CSMD3: variants seen among roughly 807,000 people sequenced by gnomAD.
CSMD3 encodes the protein CUB and sushi domain-containing protein 3.
In CSMD3, 177 loss-of-function variants were observed where a neutral mutation model predicts 435.2. That is an observed-to-expected ratio of 0.41 (90% CI 0.36 to 0.46). CSMD3 has a LOEUF of 0.46. CSMD3 is among the 20% of genes least tolerant of loss of function. The probability of loss-of-function intolerance (pLI) is 0.34; values close to 1 mark genes in which losing one functional copy is unlikely to be tolerated. For synonymous variants in CSMD3, 1,656 were observed against 1,520.5 expected (o/e 1.09, Z -2.07); for missense variants, 4,265 against 4,504.6 (o/e 0.95, Z 1.52).
intron 13 of CSMD3, among the ~76,000 whole-genome samples, chr8:112,708,649 T>C (rs1365414936): frequency 4.2e-5 from 6 of 141,560 alleles, no homozygotes; most frequent in African/African-American, 1.5e-4. Context: ...TAATGCTTCT[T>C]TTTTTTTTTT....
intron 4 of CSMD3, among the ~76,000 whole-genome samples, chr8:113,112,450 TATATACAC>T (rs2090683505): frequency 5.1e-5 from 1 of 19,662 alleles, no homozygotes. Context: ...TATATATATG[TATATACAC>T]ACACACACAC....
chr8:113,372,783 A>T (rs1382748569), intron 1 of CSMD3, among the ~76,000 whole-genome samples: 1 of 151,892 alleles, frequency 6.6e-6, no homozygotes, highest in Non-Finnish European at 1.5e-5. Context: ...AAATACAAAA[A>T]ATTAGCCGGG....
intron 9 of CSMD3, among the ~76,000 whole-genome samples, chr8:112,929,923 A>C (rs1385893525): frequency 1.3e-5 from 2 of 152,132 alleles, no homozygotes; most frequent in Non-Finnish European, 2.9e-5. Flanking sequence ...AAGCTTTCAA[A>C]TAGTATTAAA....
At chr8:112,536,927 C>G (rs1221782916) in intron 27 of CSMD3, among the ~76,000 whole-genome samples, 10 of 151,784 alleles carry the variant, frequency 6.6e-5, no homozygotes, top group Non-Finnish European at 1.5e-4. Flanking sequence ...GAACAAAAAA[C>G]CAAACACCGC....
chr8:113,022,584 T>C (rs533384587), intron 5 of CSMD3, among the ~76,000 whole-genome samples: 1 of 151,782 alleles, frequency 6.6e-6, no homozygotes, highest in African/African-American at 2.4e-5. Context: ...GTTTCCATTG[T>C]TTTAATATAT....
chr8:113,172,709 G>T lies in CSMD3; in HGVS notation c.709+1013C>A, dbSNP rs975332963. ...TGTGTCTAATTACCAGGAGGTTGTG[G>T]TGCATGTATTTGCAGTGACATGTTT... On this transcript the variant is annotated intron_variant, in intron 4 of 70. Coordinates refer to ENST00000297405, the MANE Select transcript of CSMD3 (RefSeq NM_198123.2). Among the ~76,000 whole-genome samples the T allele has an allele frequency of 3.3e-5, 5 of 152,284 alleles. No homozygotes were observed. In the South Asian group the frequency reaches 1.0e-3, roughly 32 times the overall value.
intron 49 of CSMD3, among the ~76,000 whole-genome samples, 180 bp downstream of exon 49, chr8:112,313,726 G>C (rs775457289): frequency 2.0e-5 from 3 of 151,706 alleles, no homozygotes; most frequent in Non-Finnish European, 4.4e-5. Context: ...ATCATATGAG[G>C]GATGTAGAAT....
intron 1 of CSMD3, among the ~76,000 whole-genome samples, chr8:113,355,283 TA>T (rs1162845817): frequency 1.3e-5 from 2 of 151,472 alleles, no homozygotes; most frequent in Non-Finnish European, 2.9e-5. Flanking sequence ...CACACACACA[TA>T]TATATATATA....
intron 8 of CSMD3, among the ~76,000 whole-genome samples, chr8:112,954,136 C>T (rs1054366051): frequency 1.3e-5 from 2 of 151,024 alleles, no homozygotes; most frequent in African/African-American, 2.4e-5. Context: ...AAATTGTGTA[C>T]TTCAGGCCAT....
chr8:113,368,438 T>C (rs570800898), intron 1 of CSMD3, among the ~76,000 whole-genome samples: 3 of 152,162 alleles, frequency 2.0e-5, no homozygotes, highest in Non-Finnish European at 4.4e-5. Flanking sequence ...TATTACAATG[T>C]ATATCTCTAT....
intron 4 of CSMD3, among the ~76,000 whole-genome samples, chr8:113,153,101 A>AAAGAAAGAAAGAAAAG (rs35085690): frequency 5.0e-5 from 5 of 99,990 alleles, no homozygotes; most frequent in African/African-American, 1.9e-4. Context: ...AGAAAGAAAG[A>AAAGAAAGAAAGAAAAG]AAAGAAAGAA....
chr8:112,441,439 C>T (rs1008915152), intron 32 of CSMD3, among the ~76,000 whole-genome samples: 6 of 152,218 alleles, frequency 3.9e-5, no homozygotes, highest in Admixed American at 1.3e-4. Context: ...TGTCTTCTTC[C>T]GAGCCCTCCA....
chr8:112,679,428 G>A (rs899145036), intron 16 of CSMD3, among the ~76,000 whole-genome samples: 4 of 152,104 alleles, frequency 2.6e-5, no homozygotes, highest in Admixed American at 6.6e-5. Flanking sequence ...TCCACAAACA[G>A]GCAGGTGTGC....
intron 13 of CSMD3, among the ~76,000 whole-genome samples, chr8:112,696,061 G>A (rs902416062): frequency 9.9e-5 from 15 of 152,116 alleles, no homozygotes; most frequent in Admixed American, 3.3e-4. Flanking sequence ...ACAAACCACT[G>A]CTCAGCGAAA....
intron 31 of CSMD3, among the ~76,000 whole-genome samples, chr8:112,486,200 G>A (rs1820118361): frequency 6.6e-6 from 1 of 150,768 alleles, no homozygotes; most frequent in African/African-American, 2.4e-5. Context: ...CTTATTCTTA[G>A]TGCCATACAT....
chr8:112,594,496 C>G (rs1831502803), intron 22 of CSMD3, among the ~76,000 whole-genome samples: 1 of 152,314 alleles, frequency 6.6e-6, no homozygotes, highest in East Asian at 1.9e-4. Context: ...CCTGGAAGCT[C>G]GAACTGGGTG....
chr8:112,483,159 T>C (rs539629631), intron 31 of CSMD3, among the ~76,000 whole-genome samples: 2 of 152,286 alleles, frequency 1.3e-5, no homozygotes, highest in East Asian at 3.9e-4. Context: ...TAGGATAGCA[T>C]GGTAGAGTAC....
intron 26 of CSMD3, 60 bp downstream of exon 26, chr8:112,552,534 T>C (rs1423951490): frequency 1.3e-6 from 2 of 1,499,958 alleles, no homozygotes; most frequent in East Asian, 2.3e-5. Flanking sequence ...TAATTTTATA[T>C]AGGGGTTGGT....
chr8:112,751,978 TC>T (rs1186071590), intron 13 of CSMD3, among the ~76,000 whole-genome samples: 1 of 152,088 alleles, frequency 6.6e-6, no homozygotes, highest in African/African-American at 2.4e-5. Context: ...CTATTCTCTC[TC>T]CCACATCATG....
Sources: gnomAD v4.1 joint callset for allele counts (sites outside exome capture counted in the v4.1 genomes callset) on GRCh38, gnomAD v4.1.1 for gene constraint, MANE v1.5 for transcripts, NCBI Gene and HGNC (gene_info 2026-07-23, HGNC 2026-07-21) for gene names.